Variants in ARHGEF28 observed in about 807,000 individuals in gnomAD.
The protein encoded by ARHGEF28 is Rho guanine nucleotide exchange factor 28.
Under a neutral mutation model 206.6 loss-of-function variants are expected in ARHGEF28, and 152 were observed. The observed-to-expected ratio is 0.74, with a 90% confidence interval of 0.64 to 0.84. The LOEUF (loss-of-function observed/expected upper bound fraction) is 0.84, where lower values mean the gene tolerates loss of function less well. ARHGEF28 is among the 40% of genes least tolerant of loss of function. The probability of loss-of-function intolerance (pLI) is 0.00; values close to 1 mark genes in which losing one functional copy is unlikely to be tolerated. For synonymous variants in ARHGEF28, 763 were observed against 776.4 expected, an observed-to-expected ratio of 0.98 and a Z score of 0.29; for missense variants, 2,028 against 2,073.2, an observed-to-expected ratio of 0.98 and a Z score of 0.42.
chr5:73,710,810 C>G (rs1749194325), intron 2 of ARHGEF28, among the ~76,000 whole-genome samples: 1 of 152,138 alleles, frequency 6.6e-6, no homozygotes, highest in Non-Finnish European at 1.5e-5. Context: ...TCAAGTGATT[C>G]TACCACCTCA....
At chr5:73,703,897 G>A (rs979745834) in intron 2 of ARHGEF28, among the ~76,000 whole-genome samples, 3 of 151,716 alleles carry the variant, frequency 2.0e-5, no homozygotes, top group South Asian at 2.1e-4. Flanking sequence ...TGTGACGTGC[G>A]CCTGTAGTCC....
chr5:73,733,971 G>A (rs115038684), intron 2 of ARHGEF28, among the ~76,000 whole-genome samples: 101 of 152,108 alleles, frequency 6.6e-4, no homozygotes, highest in African/African-American at 2.3e-3. Context: ...AGGGGGACAC[G>A]TTATACACTT....
At chr5:73,676,700 G>C (rs1190179104) in intron 1 of ARHGEF28, among the ~76,000 whole-genome samples, 1 of 152,134 alleles carries the variant, frequency 6.6e-6, no homozygotes, top group African/African-American at 2.4e-5. Flanking sequence ...TTTTTAAGTT[G>C]TTAATGGGTC....
chr5:73,910,421 C>G (rs1048985622), intron 34 of ARHGEF28, among the ~76,000 whole-genome samples: 1 of 141,448 alleles, frequency 7.1e-6, no homozygotes, highest in African/African-American at 2.7e-5. Context: ...AATGTGAGGG[C>G]CCAAGTCCTA....
rs1276374970 is a variant in ARHGEF28, at chr5:73,790,779, CTTTGCCA to C, written c.911-3619_911-3613del. On this transcript the variant is annotated intron_variant, in intron 7 of 35. Transcript: ENST00000513042. ...GAGTGGCAAGTAGTCTCTCAAGTGC[CTTTGCCA>C]TTTTAATTCTCTGGCCATTGTGAAT... Among the ~76,000 whole-genome samples, 4 of 152,076 alleles carry C rather than the reference CTTTGCCA, an allele frequency of 2.6e-5. No individual in the cohort carries two copies. In the East Asian group the frequency reaches 7.7e-4, roughly 29 times the overall value.
At chr5:73,818,657 T>G (rs1756382776) in intron 9 of ARHGEF28, among the ~76,000 whole-genome samples, 1 of 152,230 alleles carries the variant, frequency 6.6e-6, no homozygotes, top group Non-Finnish European at 1.5e-5. Context: ...CTACTACCAT[T>G]GTCAGCAGAG....
At chr5:73,761,317 G>A (rs1358475085) in intron 4 of ARHGEF28, among the ~76,000 whole-genome samples, 1 of 152,124 alleles carries the variant, frequency 6.6e-6, no homozygotes, top group East Asian at 1.9e-4. Flanking sequence ...TTGAATGCTG[G>A]CAGTTGTCCT....
At chr5:73,790,995 T>A (rs1754445867) in intron 7 of ARHGEF28, among the ~76,000 whole-genome samples, 1 of 152,210 alleles carries the variant, frequency 6.6e-6, no homozygotes, top group Non-Finnish European at 1.5e-5. Flanking sequence ...GTTCAGAAGT[T>A]GTGATAAAAT....
intron 4 of ARHGEF28, among the ~76,000 whole-genome samples, chr5:73,760,171 T>C (rs1395331718): frequency 6.6e-6 from 1 of 152,180 alleles, no homozygotes; most frequent in Non-Finnish European, 1.5e-5. Context: ...AAGTAAAATG[T>C]CAGCTTTGTT....
chr5:73,940,173 T>C (rs1053954618), intron 35 of ARHGEF28, among the ~76,000 whole-genome samples: 1 of 152,180 alleles, frequency 6.6e-6, no homozygotes, highest in African/African-American at 2.4e-5. Flanking sequence ...CTTGAAAATA[T>C]AATATTAGAG....
intron 20 of ARHGEF28, among the ~76,000 whole-genome samples, chr5:73,869,634 C>G (rs551854952): frequency 1.3e-5 from 2 of 152,150 alleles, no homozygotes; most frequent in East Asian, 3.9e-4. Context: ...TGGCTGGGCA[C>G]GGTGGCTCAG....
At chr5:73,876,994 T>A (rs1760543760) in intron 22 of ARHGEF28, among the ~76,000 whole-genome samples, 1 of 143,810 alleles carries the variant, frequency 7.0e-6, no homozygotes, top group Non-Finnish European at 1.5e-5. Flanking sequence ...TCAGAAGGAA[T>A]GGTACCAGTT....
Position 73,868,141 on chromosome 5 carries a change from A to G in ARHGEF28, c.2339A>G (p.His780Arg), listed in dbSNP as rs773732159. Residue 780 changes from histidine to arginine, a missense_variant, in exon 20 of 36, where the codon CAT becomes CGT. His to Arg is a conservative substitution (Grantham distance 29). Around this residue, in one of 3 missense-constraint regions of ARHGEF28, gnomAD observed 1,002 missense variants for 1,015.3 expected, o/e 0.99. Coordinates refer to ENST00000513042, the MANE Select transcript of ARHGEF28 (RefSeq NM_001177693.2). ...ACATCCTTGGAGTCTGAGAGTGACC[A>G]TAACAGCTGCAGAAGCAGGTCTCAT... Reference protein sequence around the residue: ...SATSLESESDHNSCRSRSHSD... With the variant: ...SATSLESESDRNSCRSRSHSD... The G allele has an allele frequency of 1.9e-6, 3 of 1,609,326 alleles. No homozygotes were observed. Among genetic ancestry groups the G allele is most frequent in the South Asian group, 1.1e-5 (1 of 90,028 alleles).
chr5:73,707,662 AT>A (rs796972882), intron 2 of ARHGEF28, among the ~76,000 whole-genome samples: 232 of 151,306 alleles, frequency 1.5e-3, no homozygotes, highest in African/African-American at 4.9e-3. Flanking sequence ...ATGGATTTCT[AT>A]TTTTTTTTAT....
intron 1 of ARHGEF28, among the ~76,000 whole-genome samples, chr5:73,656,828 C>T (rs1745234417): frequency 6.6e-6 from 1 of 152,092 alleles, no homozygotes; most frequent in Admixed American, 6.5e-5. Flanking sequence ...CTATTACTCT[C>T]CACTTCACTC....
In ARHGEF28 at chr5:73,864,894, A is replaced by G. The variant is rs761318024; in HGVS notation, c.2103+22A>G. The G allele has an allele frequency of 1.4e-5, 23 of 1,609,352 alleles. 1 individual carries two copies. In the South Asian group the frequency reaches 2.5e-4, roughly 18 times the overall value. ...CAAGGTAATTGCTCAGTGATCTGTG[A>G]ATATATATGTGGCATGGTTGCTTCA... On this transcript the variant is annotated intron_variant, in intron 17 of 35. Coordinates refer to ENST00000513042, the MANE Select transcript of ARHGEF28 (RefSeq NM_001177693.2).
chr5:73,932,778 A>G (rs1291052065), intron 35 of ARHGEF28, among the ~76,000 whole-genome samples: 1 of 133,200 alleles, frequency 7.5e-6, no homozygotes, highest in East Asian at 2.2e-4. Flanking sequence ...TGGACTAGTT[A>G]TACTACTTTT....
Position 73,904,349 on chromosome 5 carries a change from G to A in ARHGEF28, c.4114-9G>A. The A allele has an allele frequency of 1.2e-6, 2 of 1,613,146 alleles. No homozygotes were observed. Among genetic ancestry groups the A allele is most frequent in the Non-Finnish European group, 1.7e-6 (2 of 1,179,556 alleles). The stretch of plus-strand genomic sequence containing the variant: ...TCAAGAATTTGACACTTACAATTTT[G>A]TTTTTCAGATTATACAAGCCATACA... On this transcript the variant is annotated splice_polypyrimidine_tract_variant and intron_variant, in intron 32 of 35. Transcript: ENST00000513042.
intron 12 of ARHGEF28, 109 bp downstream of exon 12, chr5:73,846,584 C>A (rs1053408281): frequency 5.2e-5 from 52 of 997,154 alleles, no homozygotes; most frequent in Non-Finnish European, 6.7e-5. Context: ...TACATATGAA[C>A]TATTTTTTTG....
Sources: gnomAD v4.1 joint callset for allele counts (sites outside exome capture counted in the v4.1 genomes callset) on GRCh38, gnomAD v4.1.1 for gene constraint, gnomAD v4.1.1 regional missense constraint, MANE v1.5 for transcripts, NCBI Gene and HGNC (gene_info 2026-07-23, HGNC 2026-07-21) for gene names.